The following TM9SF2 variants were observed in gnomAD, a reference collection of about 807,000 sequenced individuals.
TM9SF2 encodes 76 kDa membrane protein.
In TM9SF2, 13 loss-of-function variants were observed where a neutral mutation model predicts 84.9. That is an observed-to-expected ratio of 0.15 (90% CI 0.10 to 0.24). The LOEUF is 0.24. TM9SF2 is among the 10% of genes least tolerant of loss of function. The pLI is 1.00. For missense variants in TM9SF2, 562 were observed against 818.5 expected (o/e 0.69, Z 3.82); for synonymous variants, 273 against 285.8 (o/e 0.96, Z 0.45).
chr13:99,552,119 G>A, intron 12 of TM9SF2, 48 bp from the exon 13 acceptor site: 2 of 1,563,534 alleles, frequency 1.3e-6, no homozygotes, highest in South Asian at 1.2e-5. Flanking sequence ...TACTACTGTT[G>A]CATTTTGTTA....
rs1011114417 is a variant in TM9SF2 at position 99,555,602 on chromosome 13, T to C, written c.1707T>C (p.Cys569=). Residue 569 remains cysteine, a synonymous_variant, in exon 15 of 17, where the codon TGT becomes TGC. Coordinates refer to ENST00000376387, the MANE Select transcript of TM9SF2 (RefSeq NM_004800.3). ...FLVFIILVIT[C]SEATILLCYF... The stretch of plus-strand genomic sequence containing the variant: ...TGTTTATCATTTTGGTTATTACCTG[T>C]TCTGAAGCAACTATACTTCTTTGCT... 3.7e-6 allele frequency: 6 copies of C among 1,613,926 alleles called. No individual in the cohort carries two copies. The highest frequency in any genetic ancestry group is 2.5e-6 in the Non-Finnish European group (3 of 1,179,936).
At chr13:99,550,344 G>A (rs1292133736) in intron 12 of TM9SF2, among the ~76,000 whole-genome samples, 5 of 151,970 alleles carry the variant, frequency 3.3e-5, no homozygotes, top group Admixed American at 1.3e-4. Context: ...GTAAAGCCAC[G>A]TCATTCGTAT....
Position 99,517,667 on chromosome 13 carries a change from T to G in TM9SF2, c.225T>G (p.Pro75=). 6.3e-7 allele frequency: 1 copy of G among 1,591,754 alleles called. No homozygotes were observed. The highest frequency in any genetic ancestry group is 8.5e-7 in the Non-Finnish European group (1 of 1,171,154). ...NRLDSVESVL[P]YEYTAFDFCQ... ...TTGATTCAGTGGAATCAGTTCTTCC[T>G]TATGAATACACAGCGTAAGTTTTTC... Residue 75 remains proline, a synonymous_variant, in exon 2 of 17, where the codon CCT becomes CCG. Coordinates refer to ENST00000376387, the MANE Select transcript of TM9SF2 (RefSeq NM_004800.3).
chr13:99,560,745 G>A (rs191231378), intron 16 of TM9SF2, among the ~76,000 whole-genome samples: 13 of 152,100 alleles, frequency 8.5e-5, no homozygotes, highest in African/African-American at 2.7e-4. Context: ...GCAGTGGCGC[G>A]ATCTCAGCTC....
At position 99,501,696 on chromosome 13, in the gene TM9SF2, G is replaced by C. The variant is rs746849468; in HGVS notation, c.90G>C (p.Pro30=). The C allele has an allele frequency of 6.2e-7, 1 of 1,611,950 alleles. No homozygotes were observed. The highest frequency in any genetic ancestry group is 8.5e-7 in the Non-Finnish European group (1 of 1,179,634). Residue 30 remains proline (P), a synonymous_variant, in exon 1 of 17, where the codon CCG becomes CCC. Coordinates refer to ENST00000376387, the MANE Select transcript of TM9SF2 (RefSeq NM_004800.3). ...SLLLLGAVPG[P]RRSGAFYLPG... is the part of the protein sequence containing the mutation. ...TCCTGCTGGGGGCGGTTCCTGGCCC[G>C]CGCCGGAGCGGCGCTTTCTACCTGC...
At chr13:99,562,659 A>C (rs2046349211) in intron 16 of TM9SF2, 32 bp from the exon 17 acceptor site, 1 of 1,599,730 alleles carries the variant, frequency 6.3e-7, no homozygotes, top group East Asian at 2.2e-5. Flanking sequence ...CTTCCTTTGA[A>C]AAGGGGTTTA....
chr13:99,517,488 T>G (rs1410995250), intron 1 of TM9SF2, 126 bp from the exon 2 acceptor site: 3 of 565,644 alleles, frequency 5.3e-6, no homozygotes, highest in Non-Finnish European at 5.9e-6. Context: ...AGAGAATTGT[T>G]TAAAGTTGAC....
chr13:99,524,413 A>T (rs2046173338), intron 3 of TM9SF2, among the ~76,000 whole-genome samples: 1 of 152,124 alleles, frequency 6.6e-6, no homozygotes, highest in African/African-American at 2.4e-5. Flanking sequence ...AAGATGGGGC[A>T]GTCTGTGGGA....
intron 1 of TM9SF2, among the ~76,000 whole-genome samples, chr13:99,516,434 G>T (rs2046135049): frequency 6.6e-6 from 1 of 152,166 alleles, no homozygotes; most frequent in South Asian, 2.1e-4. Flanking sequence ...TGTCCCAGCT[G>T]AACAGCTCTT....
In TM9SF2 at chr13:99,501,552, C is replaced by A. The variant is rs1389051774; in HGVS notation, c.-55C>A. Reference sequence around the variant, plus strand: ...GTAGTCGTCTCCGAGACTCCCCACCCCTCCTTCCCTCTTGACCCCCTAGGT... The same window carrying A: ...GTAGTCGTCTCCGAGACTCCCCACCACTCCTTCCCTCTTGACCCCCTAGGT... On this transcript the variant is annotated 5_prime_UTR_variant, in exon 1 of 17. Coordinates refer to ENST00000376387, the MANE Select transcript of TM9SF2 (RefSeq NM_004800.3). The A allele has an allele frequency of 7.0e-6, 11 of 1,578,176 alleles. No homozygotes were observed. The highest frequency in any genetic ancestry group is 1.4e-5 in the African/African-American group (1 of 72,882).
rs761622565 is a variant in TM9SF2, at chr13:99,501,560, C to T, written c.-47C>T. On this transcript the variant is annotated 5_prime_UTR_variant, in exon 1 of 17. Transcript: ENST00000376387. The stretch of plus-strand genomic sequence containing the variant: ...CTCCGAGACTCCCCACCCCTCCTTC[C>T]CTCTTGACCCCCTAGGTTTGATTGC... The T allele has an allele frequency of 5.7e-6, 9 of 1,587,528 alleles. No individual in the cohort carries two copies. Among genetic ancestry groups the T allele is most frequent in the East Asian group, 4.6e-5 (2 of 43,556 alleles).
chr13:99,556,574 C>CTTTTTTTTTTTTTTTTTCTT (rs35868359), intron 15 of TM9SF2, among the ~76,000 whole-genome samples: 1 of 137,082 alleles, frequency 7.3e-6, no homozygotes. Context: ...TACTTCATTC[C>CTTTTTTTTTTTTTTTTTCTT]TTTTTTTTTT....
intron 3 of TM9SF2, 101 bp from the exon 4 acceptor site, chr13:99,529,366 A>C: frequency 3.8e-6 from 4 of 1,062,072 alleles, no homozygotes; most frequent in Non-Finnish European, 5.1e-6. Context: ...TAATGCACTT[A>C]AGTAATTTAA....
intron 15 of TM9SF2, among the ~76,000 whole-genome samples, chr13:99,558,443 G>C (rs1188285965): frequency 6.6e-6 from 1 of 152,218 alleles, no homozygotes; most frequent in Non-Finnish European, 1.5e-5. Context: ...ACAGTGTTAA[G>C]TCTAATAGTA....
At chr13:99,533,832 G>A (rs2046221699) in intron 4 of TM9SF2, among the ~76,000 whole-genome samples, 1 of 152,004 alleles carries the variant, frequency 6.6e-6, no homozygotes, top group Non-Finnish European at 1.5e-5. Context: ...CACCACGCCT[G>A]GCTAATTTTT....
intron 5 of TM9SF2, among the ~76,000 whole-genome samples, chr13:99,537,084 A>G (rs114327124): frequency 9.1e-4 from 139 of 152,296 alleles, no homozygotes; most frequent in African/African-American, 3.2e-3. Context: ...CTAAATTTGT[A>G]TTGCAGAAGT....
intron 13 of TM9SF2, 97 bp from the exon 14 acceptor site, chr13:99,554,207 T>C (rs1403938963): frequency 2.8e-6 from 4 of 1,432,136 alleles, no homozygotes; most frequent in African/African-American, 2.8e-5. Flanking sequence ...AGTGACAACA[T>C]AGAAGCTGAA....
chr13:99,507,081 T>C (rs1223226665), intron 1 of TM9SF2, among the ~76,000 whole-genome samples: 1 of 152,244 alleles, frequency 6.6e-6, no homozygotes, highest in Non-Finnish European at 1.5e-5. Flanking sequence ...GTGTGTGTTG[T>C]ATATGCCTTA....
chr13:99,503,517 T>C (rs2046075558), intron 1 of TM9SF2, among the ~76,000 whole-genome samples: 1 of 152,096 alleles, frequency 6.6e-6, no homozygotes, highest in Non-Finnish European at 1.5e-5. Flanking sequence ...AAGACCAGCC[T>C]GGCCAATATG....
Sources: gnomAD v4.1 joint callset for allele counts (sites outside exome capture counted in the v4.1 genomes callset) on GRCh38, gnomAD v4.1.1 for gene constraint, MANE v1.5 for transcripts, NCBI Gene and HGNC (gene_info 2026-07-23, HGNC 2026-07-21) for gene names.